Variants in GOLIM4 observed in about 807,000 individuals in gnomAD.
The protein encoded by GOLIM4 is 130 kDa golgi-localized phosphoprotein.
GOLIM4 carries 71 observed loss-of-function variants against 107.4 expected under a neutral mutation model. That is an observed-to-expected ratio of 0.66 (90% CI 0.55 to 0.81). The LOEUF (loss-of-function observed/expected upper bound fraction) is 0.81, where lower values mean the gene tolerates loss of function less well. GOLIM4 is among the 30% of genes least tolerant of loss of function. The probability of loss-of-function intolerance (pLI) is 0.00; values close to 1 mark genes in which losing one functional copy is unlikely to be tolerated. For synonymous variants in GOLIM4, 327 were observed against 294.8 expected, an observed-to-expected ratio of 1.11 and a Z score of -1.12; for missense variants, 830 against 826.1, an observed-to-expected ratio of 1.00 and a Z score of -0.06.
intron 7 of GOLIM4, among the ~76,000 whole-genome samples, chr3:168,039,079 T>G (rs903637580): frequency 6.6e-6 from 1 of 152,070 alleles, no homozygotes; most frequent in Non-Finnish European, 1.5e-5. Context: ...TTTCCATAGT[T>G]TATAAGACAC....
intron 14 of GOLIM4, among the ~76,000 whole-genome samples, chr3:168,021,751 C>T (rs1358350253): frequency 2.0e-5 from 3 of 152,070 alleles, no homozygotes; most frequent in African/African-American, 7.2e-5. Context: ...GGTGTACGTA[C>T]ATATTTGGCC....
At position 168,040,811 on chromosome 3, in the gene GOLIM4, T is replaced by C. The variant is rs1187781841; in HGVS notation, c.659A>G (p.His220Arg). The change falls in exon 7 of 16, where the codon CAC becomes CGC. Residue 220 changes from histidine to arginine, a missense_variant. Physicochemically the swap from His to Arg is conservative, Grantham distance 29. Coordinates refer to ENST00000470487, the MANE Select transcript of GOLIM4 (RefSeq NM_014498.5). ...HEQLVVTLED[H>R]KSALAAAQTQ... ...CTGTGCAGCAGCTAGTGCACTCTTG[T>C]GGTCTTCCAAAGTCACTACAAGTTG... is the stretch of plus-strand genomic sequence containing the variant. 1.1e-5 allele frequency: 17 copies of C among 1,612,672 alleles called. No homozygotes were observed. Among genetic ancestry groups the C allele is most frequent in the Non-Finnish European group, 1.4e-5 (16 of 1,178,782 alleles).
At chr3:168,083,176 T>G (rs1301160003) in intron 1 of GOLIM4, among the ~76,000 whole-genome samples, 2 of 152,160 alleles carry the variant, frequency 1.3e-5, no homozygotes, top group African/African-American at 4.8e-5. Flanking sequence ...ATATTGCAAT[T>G]TTTAAATGAC....
chr3:168,056,727 G>A (rs1351944715), intron 1 of GOLIM4, among the ~76,000 whole-genome samples: 1 of 152,192 alleles, frequency 6.6e-6, no homozygotes, highest in Admixed American at 6.5e-5. Flanking sequence ...CAGCCCTTGT[G>A]TTTTGGCCAA....
Position 168,010,728 on chromosome 3 carries a change from G to A in GOLIM4, c.1941+15C>T, listed in dbSNP as rs772830462. ...ACACTCAAGTGCTCAATAGAAATAT[G>A]TATCCCGGTCATACATTTTCATCAT... is the stretch of plus-strand genomic sequence containing the variant. On this transcript the variant is annotated intron_variant, in intron 15 of 15. Coordinates refer to ENST00000470487, the MANE Select transcript of GOLIM4 (RefSeq NM_014498.5). 6.4e-7 allele frequency: 1 copy of A among 1,562,934 alleles called. No individual in the cohort carries two copies. Among genetic ancestry groups the A allele is most frequent in the Non-Finnish European group, 8.8e-7 (1 of 1,134,170 alleles).
At chr3:168,063,107 T>C (rs1720355955) in intron 1 of GOLIM4, among the ~76,000 whole-genome samples, 1 of 150,834 alleles carries the variant, frequency 6.6e-6, no homozygotes, top group South Asian at 2.1e-4. Flanking sequence ...AAATAACCCC[T>C]GCCCACCCAC....
chr3:168,027,726 A>T lies in GOLIM4; in HGVS notation c.1623+2T>A. The T allele has an allele frequency of 6.4e-7, 1 of 1,554,254 alleles. No individual in the cohort carries two copies. The highest frequency in any genetic ancestry group is 8.9e-7 in the Non-Finnish European group (1 of 1,125,564). On this transcript the variant is annotated splice_donor_variant, in intron 12 of 15. Transcript: ENST00000470487. LOFTEE classifies it high-confidence loss of function. ...GTCAGGGGCAGAAGAGAGGATACTT[A>T]CATCTGCCTCAGATTCTGGGTCGGC...
At chr3:168,051,879 T>A (rs61508722) in intron 1 of GOLIM4, among the ~76,000 whole-genome samples, 1 of 151,754 alleles carries the variant, frequency 6.6e-6, no homozygotes, top group East Asian at 1.9e-4. Flanking sequence ...AAGAAAAGAA[T>A]AAAGGAAAAC....
chr3:168,068,370 T>G (rs1194503766), intron 1 of GOLIM4, among the ~76,000 whole-genome samples: 1 of 151,786 alleles, frequency 6.6e-6, no homozygotes, highest in Non-Finnish European at 1.5e-5. Context: ...TGTAAGAAAA[T>G]AAAATTAAAA....
At chr3:168,018,461 G>C (rs1284270048) in intron 14 of GOLIM4, among the ~76,000 whole-genome samples, 1 of 152,156 alleles carries the variant, frequency 6.6e-6, no homozygotes, top group African/African-American at 2.4e-5. Context: ...ACGCCAGTTT[G>C]ACCCACAGCC....
At chr3:168,024,454 G>T in intron 14 of GOLIM4, 72 bp downstream of exon 14, 1 of 1,074,868 alleles carries the variant, frequency 9.3e-7, no homozygotes. Flanking sequence ...AGTCAATACT[G>T]CTGAGGTTTG....
chr3:168,023,230 T>C (rs1287700734), intron 14 of GOLIM4, among the ~76,000 whole-genome samples: 1 of 152,220 alleles, frequency 6.6e-6, no homozygotes, highest in Non-Finnish European at 1.5e-5. Flanking sequence ...CATCCTGTTA[T>C]ATGAGAAGCC....
intron 8 of GOLIM4, 148 bp from the exon 9 acceptor site, chr3:168,033,000 G>A: frequency 1.6e-6 from 1 of 631,756 alleles, no homozygotes; most frequent in East Asian, 2.7e-5. Flanking sequence ...GGCTGCAATG[G>A]AGTCACTTAA....
At chr3:168,092,330 T>C (rs185999348) in intron 1 of GOLIM4, among the ~76,000 whole-genome samples, 8 of 152,254 alleles carry the variant, frequency 5.3e-5, no homozygotes, top group Non-Finnish European at 1.2e-4. Flanking sequence ...GACATAGATA[T>C]TTTTATAGTG....
intron 1 of GOLIM4, among the ~76,000 whole-genome samples, chr3:168,077,034 G>C (rs372756438): frequency 1.3e-5 from 2 of 151,994 alleles, no homozygotes; most frequent in South Asian, 4.1e-4. Context: ...CATACCCTCC[G>C]CCTAAAAGTA....
chr3:168,027,465 C>T (rs367861568), intron 12 of GOLIM4, among the ~76,000 whole-genome samples: 1 of 148,632 alleles, frequency 6.7e-6, no homozygotes, highest in Non-Finnish European at 1.5e-5. Flanking sequence ...TTTTATTAAT[C>T]TAAAAGTCAT....
rs532212182 is a variant in GOLIM4 at position 168,017,631 on chromosome 3, T to A, written c.1861-6808A>T. 7.2e-5 allele frequency among the ~76,000 whole-genome samples: 11 copies of A among 152,324 alleles called. No individual in the cohort carries two copies. In the East Asian group the frequency reaches 1.7e-3, roughly 24 times the overall value. The stretch of plus-strand genomic sequence containing the variant: ...CAAGTCACTATCTAGATCAAGCTTG[T>A]CCAACCTGTGGCCTCTGTAAATCCT... On this transcript the variant is annotated intron_variant, in intron 14 of 15. Transcript: ENST00000470487.
intron 1 of GOLIM4, among the ~76,000 whole-genome samples, chr3:168,084,630 A>C (rs1489134822): frequency 6.6e-6 from 1 of 152,198 alleles, no homozygotes; most frequent in East Asian, 1.9e-4. Flanking sequence ...GATAATGTTC[A>C]TTGTTCTACA....
chr3:168,055,406 G>T (rs947148567), intron 1 of GOLIM4, among the ~76,000 whole-genome samples: 1 of 152,160 alleles, frequency 6.6e-6, no homozygotes, highest in African/African-American at 2.4e-5. Flanking sequence ...AGAGACTGAC[G>T]GCATTTTGCT....
Sources: gnomAD v4.1 joint callset for allele counts (sites outside exome capture counted in the v4.1 genomes callset) on GRCh38, gnomAD v4.1.1 for gene constraint, MANE v1.5 for transcripts, NCBI Gene and HGNC (gene_info 2026-07-23, HGNC 2026-07-21) for gene names.